Variants in PI15 observed in about 807,000 individuals in gnomAD.
PI15 encodes the protein peptidase inhibitor 15, also known as 25 kDa trypsin inhibitor.
Under a neutral mutation model 31.0 loss-of-function variants are expected in PI15, and 18 were observed. That is an observed-to-expected ratio of 0.58 (90% CI 0.40 to 0.86). The LOEUF (loss-of-function observed/expected upper bound fraction) is 0.86. PI15 is among the 40% of genes least tolerant of loss of function. The pLI is 0.00. For missense variants in PI15, 282 were observed against 328.1 expected, an observed-to-expected ratio of 0.86 and a Z score of 1.09; for synonymous variants, 118 against 119.1, an observed-to-expected ratio of 0.99 and a Z score of 0.06.
Position 74,825,334 on chromosome 8 carries a change from G to A in PI15, c.85G>A (p.Asp29Asn). Residue 29 changes from aspartate to asparagine, a missense_variant, in exon 2 of 6, where the codon GAC (aspartate) becomes AAC (asparagine). By Grantham distance (23) the Asp-to-Asn change is conservative (BLOSUM62 1). Transcript: ENST00000260113. Reference protein sequence around the residue: ...ASTVVLLNSTDSSPPTNNFTD... With the variant: ...ASTVVLLNSTNSSPPTNNFTD... ...TACCGTCGTCCTACTCAATTCCACT[G>A]ACTCATCCCCGCCAACCAATAATTT... 6.2e-7 allele frequency: 1 copy of A among 1,613,226 alleles called. No homozygotes were observed.
chr8:74,833,292 A>T (rs1810814231), intron 2 of PI15, among the ~76,000 whole-genome samples: 1 of 152,142 alleles, frequency 6.6e-6, no homozygotes, highest in Non-Finnish European at 1.5e-5. Flanking sequence ...GTGGTCTTAA[A>T]ATTTAAAGCT....
intron 2 of PI15, among the ~76,000 whole-genome samples, chr8:74,826,542 A>G (rs932275649): frequency 6.0e-4 from 92 of 152,252 alleles, no homozygotes; most frequent in African/African-American, 1.9e-3. Flanking sequence ...GTCACAGTTC[A>G]TAGAAGTACA....
At position 74,825,535 on chromosome 8, in the gene PI15, C is replaced by CTTTT. The variant is rs36083765; in HGVS notation, c.273+24_273+27dup. 8 of 1,420,594 alleles carry CTTTT rather than the reference C, an allele frequency of 5.6e-6. No individual in the cohort carries two copies. Among genetic ancestry groups the CTTTT allele is most frequent in the Non-Finnish European group, 7.7e-6 (8 of 1,042,412 alleles). 88.0% of individuals were successfully genotyped at this position (1,420,594 alleles called of 1,614,324 possible). On this transcript the variant is annotated intron_variant, in intron 2 of 5. Coordinates refer to ENST00000260113, the MANE Select transcript of PI15 (RefSeq NM_015886.5). ...TATGGAATATATGGTAAGAAGAATT[C>CTTTT]TTTTTTTTTTTTTTAAGTTCTGAGT...
intron 2 of PI15, among the ~76,000 whole-genome samples, chr8:74,838,368 A>G (rs1306239078): frequency 2.6e-5 from 4 of 152,184 alleles, no homozygotes; most frequent in Admixed American, 2.0e-4. Context: ...ATATCAAATA[A>G]GATCAGATTC....
intron 2 of PI15, among the ~76,000 whole-genome samples, chr8:74,837,238 C>T (rs186067599): frequency 1.1e-3 from 166 of 152,142 alleles, no homozygotes; most frequent in Middle Eastern, 6.8e-3. Context: ...GAAGGGAATG[C>T]TTTTTAAATC....
At chr8:74,827,325 G>T (rs952335433) in intron 2 of PI15, among the ~76,000 whole-genome samples, 5 of 152,070 alleles carry the variant, frequency 3.3e-5, no homozygotes, top group Non-Finnish European at 7.4e-5. Flanking sequence ...CGTTCACCAC[G>T]AGGAAAGGCA....
chr8:74,850,978 C>T lies in PI15; in HGVS notation c.*1725C>T, dbSNP rs1216729927. 1 of 152,560 alleles carries T rather than the reference C, an allele frequency of 6.6e-6. No individual in the cohort carries two copies. Among genetic ancestry groups the T allele is most frequent in the Admixed American group, 6.5e-5 (1 of 15,270 alleles). 9.5% of individuals were successfully genotyped at this position (152,560 alleles called of 1,614,324 possible). ...ATACACGTTTGCAGTTTCTTGTACACATTTGGATACTTTGAAAGATGACAG... is the reference window on the plus strand; with the variant it reads ...ATACACGTTTGCAGTTTCTTGTACATATTTGGATACTTTGAAAGATGACAG... On this transcript the variant is annotated 3_prime_UTR_variant, in exon 6 of 6. Coordinates refer to ENST00000260113, the MANE Select transcript of PI15 (RefSeq NM_015886.5).
At chr8:74,845,017 T>C in intron 3 of PI15, 111 bp from the exon 4 acceptor site, 2 of 926,210 alleles carry the variant, frequency 2.2e-6, no homozygotes, top group Admixed American at 3.8e-5. Flanking sequence ...GGATGTGCTC[T>C]TGGATCATCA....
chr8:74,836,037 T>A (rs1586954372), intron 2 of PI15, among the ~76,000 whole-genome samples: 1 of 152,108 alleles, frequency 6.6e-6, no homozygotes, highest in Non-Finnish European at 1.5e-5. Flanking sequence ...ATTTTGAAGG[T>A]AAGGTCAATG....
intron 5 of PI15, 122 bp from the exon 6 acceptor site, chr8:74,848,996 T>C: frequency 1.3e-6 from 1 of 767,742 alleles, no homozygotes; most frequent in Non-Finnish European, 2.1e-6. Context: ...AGTGACTTTC[T>C]AAAGCAACTT....
At position 74,852,362 on chromosome 8, in the gene PI15, CTG is replaced by C. The variant is rs1313719692; in HGVS notation, c.*3112_*3113del. 6.6e-6 allele frequency: 1 copy of C among 152,030 alleles called. No individual in the cohort carries two copies. Among genetic ancestry groups the C allele is most frequent in the South Asian group, 2.1e-4 (1 of 4,828 alleles). 9.4% of individuals were successfully genotyped at this position (152,030 alleles called of 1,614,324 possible). On this transcript the variant is annotated 3_prime_UTR_variant, in exon 6 of 6. Transcript: ENST00000260113. ...CTGATGGATTTCATTATAGAATTATCTGTGAGTTGTGTAGACACAGTCTTAAT... is the reference window on the plus strand; with the variant it reads ...CTGATGGATTTCATTATAGAATTATCTGAGTTGTGTAGACACAGTCTTAAT...
chr8:74,831,687 C>A (rs1465535441), intron 2 of PI15, among the ~76,000 whole-genome samples: 4 of 151,996 alleles, frequency 2.6e-5, no homozygotes, highest in Non-Finnish European at 5.9e-5. Context: ...TCTTTGGAAT[C>A]CTGTGGGAAG....
intron 2 of PI15, among the ~76,000 whole-genome samples, chr8:74,832,306 G>T (rs565331403): frequency 6.6e-6 from 1 of 152,084 alleles, no homozygotes; most frequent in Admixed American, 6.6e-5. Flanking sequence ...GTGGCTGCAG[G>T]TTTATCACCC....
chr8:74,849,205 T>C lies in PI15; in HGVS notation c.729T>C (p.Asn243=). 2.5e-6 allele frequency: 4 copies of C among 1,612,952 alleles called. No homozygotes were observed. The highest frequency in any genetic ancestry group is 3.4e-6 in the Non-Finnish European group (4 of 1,179,080). Residue 243 remains asparagine, a synonymous_variant, in exon 6 of 6, where the codon AAT becomes AAC. Coordinates refer to ENST00000260113, the MANE Select transcript of PI15 (RefSeq NM_015886.5). The part of the protein sequence containing the change: ...PPSYGGSCTD[N]LCFPGVTSNY... ...GTTATGGGGGATCTTGTACTGACAATCTGTGTTTTCCAGGAGTTACGTCAA... is the reference window on the plus strand; with the variant it reads ...GTTATGGGGGATCTTGTACTGACAACCTGTGTTTTCCAGGAGTTACGTCAA...
chr8:74,831,192 A>G (rs558740881), intron 2 of PI15, among the ~76,000 whole-genome samples: 15 of 152,328 alleles, frequency 9.8e-5, no homozygotes, highest in African/African-American at 2.6e-4. Context: ...TAAAAGCAGT[A>G]ACAGGATGTG....
At chr8:74,830,683 T>C (rs558805949) in intron 2 of PI15, among the ~76,000 whole-genome samples, 1 of 152,286 alleles carries the variant, frequency 6.6e-6, no homozygotes, top group South Asian at 2.1e-4. Context: ...TTGTAGTATC[T>C]ATCTTTATAT....
At chr8:74,833,154 T>C (rs1043550494) in intron 2 of PI15, among the ~76,000 whole-genome samples, 9 of 152,060 alleles carry the variant, frequency 5.9e-5, no homozygotes, top group African/African-American at 1.4e-4. Context: ...AAATATACCA[T>C]TGAGTTGGTG....
rs1227656325 is a variant in PI15, at chr8:74,854,186, C to T, written c.*4933C>T. 6.6e-6 allele frequency: 1 copy of T among 151,932 alleles called. No individual in the cohort carries two copies. Among genetic ancestry groups the T allele is most frequent in the African/African-American group, 2.4e-5 (1 of 41,408 alleles). 9.4% of individuals were successfully genotyped at this position (151,932 alleles called of 1,614,324 possible). A position where few individuals can be genotyped will look rare whatever the true frequency, so the allele number is the denominator to read the frequency against. The stretch of plus-strand genomic sequence containing the variant: ...ATGTGTAACTATTATAGATAACATC[C>T]TAAACCTTCAGTTTAGATATATAAT... On this transcript the variant is annotated 3_prime_UTR_variant, in exon 6 of 6. Coordinates refer to ENST00000260113, the MANE Select transcript of PI15 (RefSeq NM_015886.5).
At chr8:74,845,542 T>A (rs1172392237) in intron 5 of PI15, 45 bp downstream of exon 5, 15 of 1,187,048 alleles carry the variant, frequency 1.3e-5, no homozygotes, top group Non-Finnish European at 1.9e-5. Context: ...TTTAAAGACG[T>A]TAAATATCCC....
Sources: gnomAD v4.1 joint callset for allele counts (sites outside exome capture counted in the v4.1 genomes callset) on GRCh38, gnomAD v4.1.1 for gene constraint, MANE v1.5 for transcripts, NCBI Gene and HGNC (gene_info 2026-07-23, HGNC 2026-07-21) for gene names.